The following MSRA variants were observed in gnomAD, a reference collection of about 807,000 sequenced individuals.
The protein encoded by MSRA is methionine sulfoxide reductase A.
In MSRA, 54 loss-of-function variants were observed where a neutral mutation model predicts 31.3. The observed-to-expected ratio is 1.73, with a 90% confidence interval of 1.39 to 2.17. The LOEUF (loss-of-function observed/expected upper bound fraction) is 2.17, where lower values mean the gene tolerates loss of function less well. Among genes scored for constraint, MSRA ranks in the 30% most tolerant of loss-of-function variants. The pLI, the probability that MSRA is intolerant of heterozygous loss-of-function variation, is 0.00. For synonymous variants in MSRA, 169 were observed against 116.5 expected, an observed-to-expected ratio of 1.45 and a Z score of -2.90; for missense variants, 507 against 300.9, an observed-to-expected ratio of 1.69 and a Z score of -5.07.
At chr8:10,102,702 G>A (rs1799617302) in intron 1 of MSRA, among the ~76,000 whole-genome samples, 1 of 152,082 alleles carries the variant, frequency 6.6e-6, no homozygotes, top group African/African-American at 2.4e-5. Context: ...CTATGAGACT[G>A]GATTTTATTT....
intron 1 of MSRA, among the ~76,000 whole-genome samples, chr8:10,073,495 A>T (rs1206542266): frequency 1.3e-5 from 2 of 152,246 alleles, no homozygotes; most frequent in Admixed American, 6.5e-5. Flanking sequence ...GGAATTTTAC[A>T]GAAAAGGTTT....
In MSRA at chr8:10,409,029, C is replaced by A. The variant is rs540058295; in HGVS notation, c.544-19119C>A. Among the ~76,000 whole-genome samples the A allele has an allele frequency of 4.3e-4, 65 of 152,312 alleles. 1 individual carries two copies. Among genetic ancestry groups the A allele is most frequent in the African/African-American group, 1.5e-3 (64 of 41,568 alleles). ...CAGTGTGTAGTGCTGTAATACACAT[C>A]TGAGTGCAGGTGTCTTTTTCATGTA... On this transcript the variant is annotated intron_variant, in intron 5 of 5. Transcript: ENST00000317173.
intron 4 of MSRA, among the ~76,000 whole-genome samples, chr8:10,315,151 C>G (rs1046046294): frequency 2.0e-5 from 3 of 152,164 alleles, no homozygotes. Flanking sequence ...TGGGAAAGAC[C>G]TGCCCCCCGT....
intron 1 of MSRA, among the ~76,000 whole-genome samples, chr8:10,200,133 A>G (rs1808369773): frequency 6.6e-6 from 1 of 152,180 alleles, no homozygotes; most frequent in Admixed American, 6.5e-5. Flanking sequence ...CGGCTCCATT[A>G]CCAGCCGGGA....
At chr8:10,332,124 TGTTCCCAGGGAAATGGGTAA>T (rs944648331) in intron 5 of MSRA, among the ~76,000 whole-genome samples, 1 of 152,202 alleles carries the variant, frequency 6.6e-6, no homozygotes, top group African/African-American at 2.4e-5. Flanking sequence ...TCTGTTTCTT[TGTTCCCAGGGAAATGGGTAA>T]GTTGCATGCT....
intron 3 of MSRA, among the ~76,000 whole-genome samples, chr8:10,249,729 G>C (rs1264179216): frequency 6.6e-6 from 1 of 152,094 alleles, no homozygotes; most frequent in East Asian, 1.9e-4. Flanking sequence ...ATGCATTTCT[G>C]ATCTGTCTCT....
At chr8:10,276,288 C>G (rs1053321673) in intron 3 of MSRA, among the ~76,000 whole-genome samples, 5 of 152,202 alleles carry the variant, frequency 3.3e-5, no homozygotes, top group Admixed American at 1.3e-4. Flanking sequence ...CGCCACCCAG[C>G]GAGAGTTGGT....
chr8:10,089,143 C>G (rs1249660497), intron 1 of MSRA, among the ~76,000 whole-genome samples: 1 of 150,320 alleles, frequency 6.7e-6, no homozygotes, highest in Non-Finnish European at 1.5e-5. Flanking sequence ...TTGTCCCACA[C>G]ACACACACAC....
At chr8:10,104,880 C>T (rs1799777540) in intron 1 of MSRA, among the ~76,000 whole-genome samples, 1 of 152,112 alleles carries the variant, frequency 6.6e-6, no homozygotes. Context: ...TTTTGGTTTC[C>T]AGTACCCATT....
At chr8:10,127,378 T>A (rs564418858) in intron 1 of MSRA, among the ~76,000 whole-genome samples, 4 of 152,346 alleles carry the variant, frequency 2.6e-5, no homozygotes, top group Admixed American at 2.6e-4. Context: ...GTGGCTTGTT[T>A]TGTAAACAAA....
chr8:10,364,310 A>T (rs950408693), intron 5 of MSRA, among the ~76,000 whole-genome samples: 1 of 152,202 alleles, frequency 6.6e-6, no homozygotes. Flanking sequence ...GTTTTGCAGA[A>T]TCATCAACAC....
Position 10,363,738 on chromosome 8 carries a change from CCACACACACACACACACA to C in MSRA, c.543+43773_543+43790del, listed in dbSNP as rs71203319. Reference sequence around the variant, plus strand: ...TGGGCAACCAAGCAAGATGCAGTCACCACACACACACACACACACACACACACACACACACACACACTA... The same window carrying C: ...TGGGCAACCAAGCAAGATGCAGTCACCACACACACACACACACACACACTA... On this transcript the variant is annotated intron_variant, in intron 5 of 5. Coordinates refer to ENST00000317173, the MANE Select transcript of MSRA (RefSeq NM_012331.5). 3.9e-5 allele frequency among the ~76,000 whole-genome samples: 4 copies of C among 103,368 alleles called. No homozygotes were observed. The South Asian group carries it at 1.8e-3, about 48-fold the overall frequency. The allele number at this position is 103,368 out of a possible 152,430, so 67.8% of individuals were successfully genotyped here.
chr8:10,321,925 A>C (rs1255712827), intron 5 of MSRA, among the ~76,000 whole-genome samples: 1 of 152,252 alleles, frequency 6.6e-6, no homozygotes, highest in East Asian at 1.9e-4. Flanking sequence ...CTGTGAGATA[A>C]TAAATGTATA....
chr8:10,261,130 C>CA (rs930425908), intron 3 of MSRA, among the ~76,000 whole-genome samples: 14 of 149,840 alleles, frequency 9.3e-5, no homozygotes, highest in South Asian at 6.3e-4. Context: ...ATAGTGTACC[C>CA]AAAAAAAAAC....
chr8:10,120,812 G>A (rs57105322), intron 1 of MSRA, among the ~76,000 whole-genome samples: 34,758 of 152,186 alleles, frequency 0.23, 4,286 homozygotes, highest in East Asian at 0.38. Context: ...CTGCTGGGCT[G>A]GCTAGCCTAC....
chr8:10,223,982 C>G (rs1331151301), intron 2 of MSRA, among the ~76,000 whole-genome samples: 1 of 152,194 alleles, frequency 6.6e-6, no homozygotes, highest in Non-Finnish European at 1.5e-5. Context: ...CCAGCTCTAC[C>G]TAATCTAACT....
At chr8:10,400,356 A>C in intron 5 of MSRA, among the ~76,000 whole-genome samples, 1 of 44,078 alleles carries the variant, frequency 2.3e-5, no homozygotes, top group South Asian at 1.5e-3. Context: ...TGACCTATTC[A>C]GGCTCTGTGT....
chr8:10,255,793 G>A (rs989474640), intron 3 of MSRA, among the ~76,000 whole-genome samples: 5 of 117,302 alleles, frequency 4.3e-5, no homozygotes, highest in African/African-American at 1.0e-4. Flanking sequence ...TTGGGAGGCT[G>A]CTGGTTTTTT....
intron 1 of MSRA, among the ~76,000 whole-genome samples, chr8:10,138,731 A>G (rs1051301752): frequency 6.6e-6 from 1 of 152,214 alleles, no homozygotes; most frequent in Non-Finnish European, 1.5e-5. Flanking sequence ...GATTTATTTC[A>G]CAATTTTATC....
Sources: allele counts gnomAD v4.1 joint callset (sites outside exome capture counted in the v4.1 genomes callset), GRCh38; gene constraint gnomAD v4.1.1; transcripts MANE v1.5; gene names NCBI Gene and HGNC (gene_info 2026-07-23, HGNC 2026-07-21).